Variants in ITCH observed in about 807,000 individuals in gnomAD.
ITCH encodes E3 ubiquitin-protein ligase Itchy homolog.
Under a neutral mutation model 126.8 loss-of-function variants are expected in ITCH, and 28 were observed. That is an observed-to-expected ratio of 0.22 (90% CI 0.16 to 0.30). The LOEUF is 0.30. ITCH is among the 10% of genes least tolerant of loss of function. ITCH has a pLI of 1.00. For missense variants in ITCH, 631 were observed against 1,032.4 expected, an observed-to-expected ratio of 0.61 and a Z score of 5.33; for synonymous variants, 342 against 340.0, an observed-to-expected ratio of 1.01 and a Z score of -0.06.
intron 21 of ITCH, 52 bp from the exon 22 acceptor site, chr20:34,489,770 C>A: frequency 8.5e-7 from 1 of 1,174,518 alleles, no homozygotes; most frequent in Non-Finnish European, 1.3e-6. Flanking sequence ...CTATGTCCAG[C>A]TGTTTTTGTA....
chr20:34,398,109 C>A (rs1421364145), intron 3 of ITCH, among the ~76,000 whole-genome samples: 1 of 151,926 alleles, frequency 6.6e-6, no homozygotes, highest in Non-Finnish European at 1.5e-5. Context: ...GTCGTCCAGG[C>A]TGGTGTGCAG....
At chr20:34,371,875 T>C (rs1170512701) in intron 2 of ITCH, among the ~76,000 whole-genome samples, 1 of 152,158 alleles carries the variant, frequency 6.6e-6, no homozygotes, top group Non-Finnish European at 1.5e-5. Flanking sequence ...TCCTCACTTA[T>C]CTATTGAATG....
intron 5 of ITCH, 43 bp from the exon 6 acceptor site, chr20:34,413,699 G>A (rs966608920): frequency 2.4e-5 from 38 of 1,580,160 alleles, no homozygotes; most frequent in Non-Finnish European, 3.1e-5. Flanking sequence ...GCCTTAACTG[G>A]GAAAAAAGTG....
At chr20:34,428,955 T>G (rs73257166) in intron 7 of ITCH, among the ~76,000 whole-genome samples, 2,976 of 152,144 alleles carry the variant, frequency 0.02, 91 homozygotes, top group African/African-American at 0.059. Flanking sequence ...CTTTTTTGTT[T>G]GAGACCGTGT....
chr20:34,478,543 G>A (rs1988439107), intron 17 of ITCH, among the ~76,000 whole-genome samples: 1 of 152,136 alleles, frequency 6.6e-6, no homozygotes, highest in Admixed American at 6.5e-5. Context: ...GTCAAGACGG[G>A]ATTTGAATCT....
intron 14 of ITCH, among the ~76,000 whole-genome samples, chr20:34,467,678 A>ATTTT (rs147009659): frequency 2.5e-4 from 25 of 98,064 alleles, no homozygotes; most frequent in South Asian, 6.7e-4. Context: ...TTTCTTTTTC[A>ATTTT]TTTTTTTTTT....
chr20:34,403,070 A>T (rs1366814261), intron 3 of ITCH, among the ~76,000 whole-genome samples: 1 of 151,858 alleles, frequency 6.6e-6, no homozygotes, highest in Non-Finnish European at 1.5e-5. Flanking sequence ...TGTGATTTAG[A>T]GTTTAGTTCT....
At chr20:34,497,283 C>T (rs1989952174) in intron 23 of ITCH, among the ~76,000 whole-genome samples, 1 of 152,178 alleles carries the variant, frequency 6.6e-6, no homozygotes, top group Admixed American at 6.5e-5. Flanking sequence ...GCATGAGCCA[C>T]TGTGCCCAGC....
chr20:34,446,595 A>G (rs1984500319), intron 11 of ITCH, among the ~76,000 whole-genome samples: 1 of 152,164 alleles, frequency 6.6e-6, no homozygotes, highest in African/African-American at 2.4e-5. Flanking sequence ...TAAAGCTGAA[A>G]TGAATTTTGT....
intron 16 of ITCH, among the ~76,000 whole-genome samples, chr20:34,471,949 C>G (rs1050428378): frequency 2.2e-4 from 33 of 152,032 alleles, no homozygotes; most frequent in African/African-American, 8.0e-4. Context: ...TTCAGTATTA[C>G]TTGGATTTTT....
intron 6 of ITCH, among the ~76,000 whole-genome samples, chr20:34,419,749 G>A (rs907705843): frequency 1.3e-5 from 2 of 152,292 alleles, no homozygotes; most frequent in African/African-American, 2.4e-5. Context: ...CCGCCTTGCC[G>A]GTTCACGCCA....
At chr20:34,458,124 A>C (rs1394831690) in intron 13 of ITCH, among the ~76,000 whole-genome samples, 1 of 152,152 alleles carries the variant, frequency 6.6e-6, no homozygotes, top group Non-Finnish European at 1.5e-5. Context: ...GAGGAAGAAA[A>C]TACATACTCA....
intron 13 of ITCH, among the ~76,000 whole-genome samples, chr20:34,460,267 C>T (rs534521991): frequency 6.6e-6 from 1 of 151,702 alleles, no homozygotes; most frequent in Non-Finnish European, 1.5e-5. Flanking sequence ...TGGCTTGCTG[C>T]AGCCTTGACC....
intron 6 of ITCH, among the ~76,000 whole-genome samples, chr20:34,414,616 G>A (rs1310730459): frequency 1.3e-5 from 2 of 151,966 alleles, no homozygotes; most frequent in African/African-American, 4.8e-5. Context: ...ACAGGCATGC[G>A]CCACCACGCC....
rs1568988367 is a variant in ITCH, at chr20:34,479,166, A to G, written c.1659-464A>G. Among the ~76,000 whole-genome samples the G allele has an allele frequency of 2.0e-5, 3 of 151,976 alleles. No homozygotes were observed. The South Asian group carries it at 6.2e-4, about 32-fold the overall frequency. On this transcript the variant is annotated intron_variant, in intron 17 of 24. Coordinates refer to ENST00000374864, the MANE Select transcript of ITCH (RefSeq NM_031483.7). ...CATATTGATTTAACGTGTAGGGAGT[A>G]GTGGCACTTGATGGGGATTATTATG...
chr20:34,369,486 G>A lies in ITCH; in HGVS notation c.-22+16G>A, dbSNP rs1568849219. ...AGAACTTCAGGTATGGTGTCATCCT[G>A]TGAGAGAAATTGGGGGCAAGAGTGA... is the stretch of plus-strand genomic sequence containing the variant. On this transcript the variant is annotated intron_variant, in intron 2 of 24. Transcript: ENST00000374864. The A allele has an allele frequency of 2.5e-6, 1 of 398,944 alleles. No individual in the cohort carries two copies. Among genetic ancestry groups the A allele is most frequent in the Non-Finnish European group, 4.4e-6 (1 of 225,990 alleles). The allele number at this position is 398,944 out of a possible 1,614,324, so 24.7% of individuals were successfully genotyped here.
At chr20:34,372,398 T>TTTTTTTTTTTTTTTGG (rs1568853572) in intron 2 of ITCH, among the ~76,000 whole-genome samples, 1 of 142,674 alleles carries the variant, frequency 7.0e-6, no homozygotes, top group Non-Finnish European at 1.5e-5. Flanking sequence ...TTTTTTTTTT[T>TTTTTTTTTTTTTTTGG]GAGAGGGAAT....
intron 10 of ITCH, among the ~76,000 whole-genome samples, chr20:34,443,392 C>T (rs1047261060): frequency 1.1e-4 from 16 of 151,868 alleles, no homozygotes; most frequent in African/African-American, 3.9e-4. Flanking sequence ...CCTGTAGTCC[C>T]AGCTACTCCG....
At chr20:34,444,349 C>T (rs1433091304) in intron 10 of ITCH, among the ~76,000 whole-genome samples, 2 of 152,060 alleles carry the variant, frequency 1.3e-5, no homozygotes, top group Non-Finnish European at 1.5e-5. Flanking sequence ...TTTGGGAGGC[C>T]GAGGTGGGCG....
Sources: allele counts gnomAD v4.1 joint callset (sites outside exome capture counted in the v4.1 genomes callset), GRCh38; gene constraint gnomAD v4.1.1; transcripts MANE v1.5; gene names NCBI Gene and HGNC (gene_info 2026-07-23, HGNC 2026-07-21).